The following CARMIL1 variants were observed in gnomAD, a reference collection of about 807,000 sequenced individuals.
The protein encoded by CARMIL1 is F-actin-uncapping protein LRRC16A.
Under a neutral mutation model 177.1 loss-of-function variants are expected in CARMIL1, and 90 were observed. The ratio of observed to expected loss-of-function variants is 0.51; its 90% CI spans 0.43 to 0.61. CARMIL1 has a LOEUF of 0.61. Ranked by LOEUF, CARMIL1 falls within the 20% of genes least tolerant of loss-of-function variation. The pLI is 0.00. For missense variants in CARMIL1, 1,380 were observed against 1,667.0 expected (o/e 0.83, Z 3.00); for synonymous variants, 577 against 606.2 (o/e 0.95, Z 0.71).
intron 8 of CARMIL1, among the ~76,000 whole-genome samples, chr6:25,461,898 GT>G (rs1465409587): frequency 6.6e-6 from 1 of 151,628 alleles, no homozygotes; most frequent in East Asian, 1.9e-4. Flanking sequence ...TCTCTTTTTG[GT>G]TTTTCCCTAA....
chr6:25,286,134 A>T (rs1220932375), intron 2 of CARMIL1, among the ~76,000 whole-genome samples: 1 of 152,240 alleles, frequency 6.6e-6, no homozygotes, highest in Non-Finnish European at 1.5e-5. Flanking sequence ...CGGCCTCCCG[A>T]AGTGCTGGGA....
chr6:25,615,046 A>G (rs1816788633), intron 36 of CARMIL1, among the ~76,000 whole-genome samples: 1 of 152,256 alleles, frequency 6.6e-6, no homozygotes, highest in South Asian at 2.1e-4. Context: ...AAGTGATTTT[A>G]TGCATAATAT....
chr6:25,289,637 T>A (rs1275632196), intron 2 of CARMIL1, among the ~76,000 whole-genome samples: 1 of 152,236 alleles, frequency 6.6e-6, no homozygotes, highest in East Asian at 1.9e-4. Context: ...TAGCCACTAA[T>A]CTGTTCTCCA....
At chr6:25,436,726 C>T (rs926773946) in intron 5 of CARMIL1, among the ~76,000 whole-genome samples, 18 of 152,298 alleles carry the variant, frequency 1.2e-4, no homozygotes, top group African/African-American at 4.3e-4. Context: ...TTGCCCTGTG[C>T]TTGCTGGTTG....
intron 5 of CARMIL1, among the ~76,000 whole-genome samples, chr6:25,443,741 G>A (rs1007891190): frequency 2.6e-5 from 4 of 152,158 alleles, no homozygotes; most frequent in African/African-American, 9.7e-5. Flanking sequence ...TTGCTTGTGT[G>A]GAAGCTGATG....
Position 25,571,860 on chromosome 6 carries a change from T to G in CARMIL1, c.2743-9064T>G, listed in dbSNP as rs138260162. ...GGATTTATCAAGAAAGTCACTATTA[T>G]GAAAAAGAAAGGTGGGGATGGGAGT... On this transcript the variant is annotated intron_variant, in intron 29 of 36. Coordinates refer to ENST00000329474, the MANE Select transcript of CARMIL1 (RefSeq NM_017640.6). 9.7e-4 allele frequency among the ~76,000 whole-genome samples: 148 copies of G among 152,168 alleles called. 1 individual carries two copies. Among genetic ancestry groups the G allele is most frequent in the Non-Finnish European group, 1.7e-3 (114 of 68,006 alleles).
rs775666540 is a variant in CARMIL1, at chr6:25,284,888, CAA to C, written c.119_120del (p.Lys40SerfsTer2). The part of the protein sequence containing the change: ...KKVKLEVKGD[K>X]VENKVLVLTS... The stretch of plus-strand genomic sequence containing the variant: ...AAGTAAAGTTGGAAGTTAAGGGAGA[CAA>C]AGTTGAAAACAAAGTGCTGGTAAGT... On this transcript the variant is annotated frameshift_variant, in exon 2 of 37. Coordinates refer to ENST00000329474, the MANE Select transcript of CARMIL1 (RefSeq NM_017640.6). LOFTEE classifies it high-confidence loss of function. 1.2e-5 allele frequency: 18 copies of C among 1,564,842 alleles called. No individual in the cohort carries two copies. Among genetic ancestry groups the C allele is most frequent in the Non-Finnish European group, 8.7e-7 (1 of 1,152,196 alleles).
chr6:25,574,094 C>G (rs1382618352), intron 29 of CARMIL1, among the ~76,000 whole-genome samples: 2 of 152,154 alleles, frequency 1.3e-5, no homozygotes, highest in Non-Finnish European at 2.9e-5. Context: ...CTATTATGAT[C>G]TGGTTGGTGT....
At chr6:25,387,253 AGTT>A (rs1423228116) in intron 2 of CARMIL1, among the ~76,000 whole-genome samples, 2 of 152,218 alleles carry the variant, frequency 1.3e-5, no homozygotes, top group African/African-American at 4.8e-5. Context: ...AAGTGTTTAT[AGTT>A]ATAGGTCTAC....
chr6:25,426,065 T>G (rs1361424966), intron 3 of CARMIL1, among the ~76,000 whole-genome samples: 2 of 152,108 alleles, frequency 1.3e-5, no homozygotes, highest in Non-Finnish European at 2.9e-5. Flanking sequence ...GGGAAAAAAG[T>G]GTTTAGATGG....
chr6:25,441,484 C>T (rs1370453233), intron 5 of CARMIL1, among the ~76,000 whole-genome samples: 1 of 151,530 alleles, frequency 6.6e-6, no homozygotes, highest in African/African-American at 2.4e-5. Flanking sequence ...ATATTTTCTT[C>T]CCATCTCCTG....
chr6:25,373,306 A>G (rs191138549), intron 2 of CARMIL1, among the ~76,000 whole-genome samples: 77 of 150,856 alleles, frequency 5.1e-4, no homozygotes, highest in Middle Eastern at 3.5e-3. Context: ...CTCTTTCTCA[A>G]CCTTTTGGAA....
At chr6:25,506,466 A>T (rs1468220909) in intron 17 of CARMIL1, among the ~76,000 whole-genome samples, 3 of 152,182 alleles carry the variant, frequency 2.0e-5, no homozygotes, top group African/African-American at 4.8e-5. Flanking sequence ...GAATCGCTTG[A>T]ACCTGGGAGG....
chr6:25,280,207 A>G (rs879605781), intron 1 of CARMIL1, among the ~76,000 whole-genome samples: 10 of 151,920 alleles, frequency 6.6e-5, no homozygotes, highest in Admixed American at 6.5e-4. Context: ...TACAGCTCCC[A>G]GCCCACTGCC....
chr6:25,413,877 A>G (rs910740554), intron 2 of CARMIL1, among the ~76,000 whole-genome samples: 1 of 152,170 alleles, frequency 6.6e-6, no homozygotes, highest in Non-Finnish European at 1.5e-5. Context: ...TTGAACAGAA[A>G]ATTGCAGCCT....
chr6:25,438,817 G>T (rs1797464767), intron 5 of CARMIL1, among the ~76,000 whole-genome samples: 1 of 152,072 alleles, frequency 6.6e-6, no homozygotes, highest in South Asian at 2.1e-4. Flanking sequence ...ACATTTTAGG[G>T]GTGGGAGATA....
At chr6:25,497,350 T>A (rs1454715539) in intron 16 of CARMIL1, among the ~76,000 whole-genome samples, 1 of 152,066 alleles carries the variant, frequency 6.6e-6, no homozygotes, top group Non-Finnish European at 1.5e-5. Context: ...CAGCTGAGGA[T>A]ATTGAGGCTC....
intron 2 of CARMIL1, among the ~76,000 whole-genome samples, chr6:25,332,765 ACACACACGCG>A (rs1489839231): frequency 1.6e-4 from 21 of 134,548 alleles, no homozygotes; most frequent in African/African-American, 3.9e-4. Context: ...ACACACACAC[ACACACACGCG>A]CACACACACA....
At chr6:25,559,458 T>G (rs1262649717) in intron 29 of CARMIL1, among the ~76,000 whole-genome samples, 3 of 152,298 alleles carry the variant, frequency 2.0e-5, no homozygotes, top group African/African-American at 7.2e-5. Flanking sequence ...GGACTCAAGA[T>G]TAACTGTTGT....
Sources: gnomAD v4.1 joint callset for allele counts (sites outside exome capture counted in the v4.1 genomes callset) on GRCh38, gnomAD v4.1.1 for gene constraint, MANE v1.5 for transcripts, NCBI Gene and HGNC (gene_info 2026-07-23, HGNC 2026-07-21) for gene names.